Variants in MYO7A observed in about 807,000 individuals in gnomAD.
The protein encoded by MYO7A is unconventional myosin-VIIa.
MYO7A carries 210 observed loss-of-function variants against 263.8 expected under a neutral mutation model. That is an observed-to-expected ratio of 0.80 (90% CI 0.71 to 0.89). The LOEUF (loss-of-function observed/expected upper bound fraction) is 0.89, where lower values mean the gene tolerates loss of function less well. Ranked by LOEUF, MYO7A falls within the 40% of genes least tolerant of loss-of-function variation. The probability of loss-of-function intolerance (pLI) is 0.00; values close to 1 mark genes in which losing one functional copy is unlikely to be tolerated. For synonymous variants in MYO7A, 1,239 were observed against 1,197.3 expected, an observed-to-expected ratio of 1.03 and a Z score of -0.72; for missense variants, 2,820 against 2,968.3, an observed-to-expected ratio of 0.95 and a Z score of 1.16.
At chr11:77,135,663 T>C (rs1039290890) in intron 2 of MYO7A, among the ~76,000 whole-genome samples, 12 of 152,208 alleles carry the variant, frequency 7.9e-5, no homozygotes, top group Admixed American at 4.6e-4. Context: ...TTTCACAACA[T>C]TTGTATTATT....
chr11:77,205,352 C>T (rs1044833839), intron 39 of MYO7A, 110 bp from the exon 40 acceptor site: 3 of 1,306,890 alleles, frequency 2.3e-6, no homozygotes, highest in Non-Finnish European at 3.1e-6. Context: ...AGGGACGGTG[C>T]TGCTGTGATG....
chr11:77,179,782 G>A lies in MYO7A; in HGVS notation c.2415G>A (p.Lys805=), dbSNP rs782372849. 1 of 1,551,506 alleles carries A rather than the reference G, an allele frequency of 6.4e-7. No individual in the cohort carries two copies. Among genetic ancestry groups the A allele is most frequent in the Non-Finnish European group, 8.7e-7 (1 of 1,149,968 alleles). Residue 805 remains lysine, a synonymous_variant, in exon 21 of 49, where the codon AAG becomes AAA. Transcript: ENST00000409709. Reference sequence around the variant, plus strand: ...TGCAGGCCCTGCACCGCTCCCGGAAGCTGCACCAGCAGTACCGCCTGGCCC... The same window carrying A: ...TGCAGGCCCTGCACCGCTCCCGGAAACTGCACCAGCAGTACCGCCTGGCCC... ...LRLQALHRSR[K]LHQQYRLARQ...
chr11:77,172,647 C>T, intron 15 of MYO7A, 101 bp from the exon 16 acceptor site: 3 of 1,471,972 alleles, frequency 2.0e-6, no homozygotes, highest in Non-Finnish European at 1.8e-6. Flanking sequence ...CCCTCAAACC[C>T]TGACCCCGCT....
chr11:77,195,105 T>C (rs1161722352), intron 32 of MYO7A, among the ~76,000 whole-genome samples: 2 of 152,052 alleles, frequency 1.3e-5, no homozygotes, highest in Admixed American at 6.5e-5. Context: ...ATTGCCCCCG[T>C]ACATAAGTCG....
At chr11:77,171,595 C>T (rs1954101193) in intron 15 of MYO7A, among the ~76,000 whole-genome samples, 1 of 149,622 alleles carries the variant, frequency 6.7e-6, no homozygotes, top group African/African-American at 2.5e-5. Context: ...ACCTTTGTCC[C>T]CCCAAATACC....
Position 77,204,189 on chromosome 11 carries a change from T to C in MYO7A, c.5440T>C (p.Tyr1814His). ...AGCCGAGCCCCTGAAGGACGAGGCA[T>C]ATGTGCAGATCCTGAAGCAGCTGAC... is the stretch of plus-strand genomic sequence containing the variant. ...LKAEPLKDEA[Y>H]VQILKQLTDN... is the part of the protein sequence containing the mutation. Residue 1814 changes from tyrosine (Y) to histidine (H), a missense_variant, in exon 39 of 49, where the codon TAT becomes CAT. Transcript: ENST00000409709. 1 of 1,584,372 alleles carries C rather than the reference T, an allele frequency of 6.3e-7. No individual in the cohort carries two copies. Among genetic ancestry groups the C allele is most frequent in the Non-Finnish European group, 8.6e-7 (1 of 1,165,608 alleles).
chr11:77,181,606 AG>A lies in MYO7A; in HGVS notation c.2904+21del, dbSNP rs782236881. 1 of 1,610,278 alleles carries A rather than the reference AG, an allele frequency of 6.2e-7. No individual in the cohort carries two copies. Among genetic ancestry groups the A allele is most frequent in the South Asian group, 1.1e-5 (1 of 90,850 alleles). On this transcript the variant is annotated intron_variant, in intron 23 of 48. Transcript: ENST00000409709. ...GGCTTTGAGGTACCAGGCTAGGGAC[AG>A]GGGCTCCAGAGGCCCACACACACCG...
chr11:77,182,470 T>A lies in MYO7A; in HGVS notation c.3155T>A (p.Leu1052His). Residue 1052 changes from leucine to histidine, a missense_variant, in exon 25 of 49, where the codon CTC becomes CAC. Leu to His is a moderately conservative substitution (Grantham distance 99, BLOSUM62 -3). Coordinates refer to ENST00000409709, the MANE Select transcript of MYO7A (RefSeq NM_000260.4). ...ACCATCCTCCGCTTCATGGGGGACC[T>A]CCCTGAGCCCAAGTACCACACAGCC... is the stretch of plus-strand genomic sequence containing the variant. ...WITILRFMGD[L>H]PEPKYHTAMS... The A allele has an allele frequency of 6.2e-7, 1 of 1,610,102 alleles. No individual in the cohort carries two copies.
chr11:77,162,915 C>A lies in MYO7A; in HGVS notation c.1617C>A (p.Ile539=), dbSNP rs782450807. 1 of 1,613,628 alleles carries A rather than the reference C, an allele frequency of 6.2e-7. No individual in the cohort carries two copies. The highest frequency in any genetic ancestry group is 8.5e-7 in the Non-Finnish European group (1 of 1,179,756). The change falls in exon 14 of 49, where the codon ATC becomes ATA. Residue 539 remains isoleucine (I), a synonymous_variant. Coordinates refer to ENST00000409709, the MANE Select transcript of MYO7A (RefSeq NM_000260.4). ...NSQHKLNANY[I]PPKNNHETQF... The stretch of plus-strand genomic sequence containing the variant: ...AGCACAAGCTCAACGCCAACTACAT[C>A]CCCCCCAAGAACAACCATGAGACCC...
chr11:77,211,546 A>T (rs1227213370), intron 45 of MYO7A, among the ~76,000 whole-genome samples: 16 of 151,992 alleles, frequency 1.1e-4, no homozygotes, highest in Non-Finnish European at 2.9e-5. Flanking sequence ...GCAGTCATTT[A>T]TCCTGTCCTG....
At chr11:77,193,970 C>T in intron 31 of MYO7A, 1 of 472,842 alleles carries the variant, frequency 2.1e-6, no homozygotes, top group South Asian at 1.5e-5. Flanking sequence ...TAGGTGTCTC[C>T]CATTCTCCAG....
intron 15 of MYO7A, among the ~76,000 whole-genome samples, chr11:77,169,742 T>G (rs80023832): frequency 0.096 from 14,623 of 152,202 alleles, 924 homozygotes; most frequent in East Asian, 0.28. Context: ...AAAAAGTCTC[T>G]GTCCTTATGG....
chr11:77,142,646 G>A, intron 2 of MYO7A, 63 bp from the exon 3 acceptor site: 1 of 1,397,196 alleles, frequency 7.2e-7, no homozygotes, highest in Non-Finnish European at 9.9e-7. Flanking sequence ...ATATAGGGCT[G>A]CCTGGAAGGG....
intron 38 of MYO7A, 148 bp downstream of exon 38, chr11:77,203,365 T>C (rs867577038): frequency 3.3e-6 from 3 of 910,342 alleles, no homozygotes; most frequent in East Asian, 2.7e-5. Context: ...CCTTTTGATA[T>C]GCAAGGGGCT....
At chr11:77,176,629 A>G (rs1473608954) in intron 18 of MYO7A, among the ~76,000 whole-genome samples, 1 of 152,116 alleles carries the variant, frequency 6.6e-6, no homozygotes, top group Non-Finnish European at 1.5e-5. Flanking sequence ...CCTGACTTAC[A>G]CTGCTAGGCT....
chr11:77,203,095 TG>T lies in MYO7A; in HGVS notation c.5205del (p.Ser1736ProfsTer69). On this transcript the variant is annotated frameshift_variant, in exon 38 of 49. Coordinates refer to ENST00000409709, the MANE Select transcript of MYO7A (RefSeq NM_000260.4). LOFTEE classifies it high-confidence loss of function. ...AAGCACACGCTGAGCCGTGTCATGG[TG>T]TCCAAGGCCCGAGGCAAGGACCGGC... The part of the protein sequence containing the change: ...PPKHTLSRVM[V>X]SKARGKDRLW... 1.3e-6 allele frequency: 2 copies of T among 1,548,812 alleles called. No individual in the cohort carries two copies. Among genetic ancestry groups the T allele is most frequent in the Non-Finnish European group, 1.7e-6 (2 of 1,146,934 alleles).
Position 77,214,227 on chromosome 11 carries a change from C to T in MYO7A, c.6558+248C>T, listed in dbSNP as rs111671224. Among the ~76,000 whole-genome samples, 4,997 of 152,252 alleles carry T rather than the reference C, an allele frequency of 0.033. 157 individuals are homozygous for T. The highest frequency in any genetic ancestry group is 0.083 in the African/African-American group (3,431 of 41,520). On this transcript the variant is annotated intron_variant, in intron 48 of 48. Coordinates refer to ENST00000409709, the MANE Select transcript of MYO7A (RefSeq NM_000260.4). ...CTGAGTGCCTTCAGTATCTGGGGAT[C>T]GGGCCCACTGTGACAGCCCTTTAGC...
At chr11:77,195,586 G>A (rs577851962) in intron 32 of MYO7A, among the ~76,000 whole-genome samples, 3 of 152,360 alleles carry the variant, frequency 2.0e-5, no homozygotes, top group African/African-American at 7.2e-5. Flanking sequence ...TTTGTCATGT[G>A]CTGGGCACCA....
intron 31 of MYO7A, among the ~76,000 whole-genome samples, chr11:77,193,047 AGGT>A (rs1394345542): frequency 7.5e-6 from 1 of 134,142 alleles, no homozygotes; most frequent in Non-Finnish European, 1.6e-5. Flanking sequence ...GTGATGGTGG[AGGT>A]GGTGATGGTG....
Sources: allele counts gnomAD v4.1 joint callset (sites outside exome capture counted in the v4.1 genomes callset), GRCh38; gene constraint gnomAD v4.1.1; transcripts MANE v1.5; gene names NCBI Gene and HGNC (gene_info 2026-07-23, HGNC 2026-07-21).